Variants in PC observed in about 807,000 individuals in gnomAD.
PC encodes the protein pyruvate carboxylase.
In PC, 46 loss-of-function variants were observed where a neutral mutation model predicts 107.8. That is an observed-to-expected ratio of 0.43 (90% CI 0.34 to 0.55). The LOEUF is 0.55. Ranked by LOEUF, PC falls within the 20% of genes least tolerant of loss-of-function variation. The pLI is 0.04. For missense variants in PC, 1,241 were observed against 1,643.1 expected, an observed-to-expected ratio of 0.76 and a Z score of 4.23; for synonymous variants, 662 against 684.7, an observed-to-expected ratio of 0.97 and a Z score of 0.52.
chr11:66,943,882 G>A (rs1949218352), intron 3 of PC, among the ~76,000 whole-genome samples: 1 of 150,568 alleles, frequency 6.6e-6, no homozygotes, highest in South Asian at 2.1e-4. Context: ...TAATAGAGAG[G>A]CTGAGGCAGA....
chr11:66,922,872 G>T lies in PC; in HGVS notation c.-1+29558C>A, dbSNP rs186992676. On this transcript the variant is annotated intron_variant, in intron 3 of 22. Transcript: ENST00000393960. ...AAGCTTGCTGTTAGCTAAAACAGGG[G>T]TCTCAGACAGGGAGGCAAAGGTATG... Among the ~76,000 whole-genome samples, 3 of 152,320 alleles carry T rather than the reference G, an allele frequency of 2.0e-5. No individual in the cohort carries two copies. In the East Asian group the frequency reaches 5.8e-4, roughly 29 times the overall value.
rs1344684606 is a variant in PC, at chr11:66,857,329, G to C, written c.1369-3946C>G. On this transcript the variant is annotated intron_variant, in intron 12 of 22. Coordinates refer to ENST00000393960, the MANE Select transcript of PC (RefSeq NM_001040716.2). This position sits in a 1 kb window ranked among gnomAD's most constrained non-coding sequence, Gnocchi z 7.1. ...GGCCGCCGGGCGCAGCGCGGGGGCC[G>C]GCCAGGGAGGGGCCACGGACTCCAC... is the stretch of plus-strand genomic sequence containing the variant. The C allele has an allele frequency of 6.5e-6, 1 of 154,288 alleles. No homozygotes were observed. The highest frequency in any genetic ancestry group is 1.4e-5 in the Non-Finnish European group (1 of 69,836). The allele number at this position is 154,288 out of a possible 1,614,324, so 9.6% of individuals were successfully genotyped here.
In PC at chr11:66,850,760, A is replaced by G. The variant is rs1276137565; in HGVS notation, c.2387T>C (p.Val796Ala). 6.2e-7 allele frequency: 1 copy of G among 1,611,266 alleles called. No individual in the cohort carries two copies. Among genetic ancestry groups the G allele is most frequent in the Non-Finnish European group, 8.5e-7 (1 of 1,179,960 alleles). ...CAQAGADVVDVAADSMSGMTS... is the reference protein window; with the variant it reads ...CAQAGADVVDAAADSMSGMTS... ...CATCCCAGACATGGAATCAGCTGCC[A>G]CATCCACCACATCAGCTCCAGCCTG... Residue 796 changes from valine to alanine, a missense_variant, in exon 18 of 23, where the codon GTG (valine) becomes GCG (alanine). By Grantham distance (64) the Val-to-Ala change is moderately conservative. This residue lies in a region of PC where 1,143 missense variants were observed against 1,551.9 expected (regional missense o/e 0.74). Coordinates refer to ENST00000393960, the MANE Select transcript of PC (RefSeq NM_001040716.2).
chr11:66,894,085 C>G (rs1362231294), intron 3 of PC, among the ~76,000 whole-genome samples: 3 of 152,090 alleles, frequency 2.0e-5, no homozygotes, highest in Admixed American at 2.0e-4. Context: ...AGCTACCAAT[C>G]CACATTAGGT....
In PC at chr11:66,944,098, G is replaced by A. The variant is rs1170146982; in HGVS notation, c.-1+8332C>T. On this transcript the variant is annotated intron_variant, in intron 3 of 22. Transcript: ENST00000393960. ...AGATCGAGACCATCCTGGCTAACAC[G>A]GTGAAACTCCGTCTCCAATAAAAAT... Among the ~76,000 whole-genome samples, 4 of 114,716 alleles carry A rather than the reference G, an allele frequency of 3.5e-5. 1 individual carries two copies. The highest frequency in any genetic ancestry group is 5.8e-5 in the Non-Finnish European group (3 of 51,902). 75.3% of individuals were successfully genotyped at this position (114,716 alleles called of 152,430 possible). A position where few individuals can be genotyped will look rare whatever the true frequency, so the allele number is the denominator to read the frequency against.
At chr11:66,862,234 A>G (rs1690136994) in intron 12 of PC, among the ~76,000 whole-genome samples, 1 of 152,162 alleles carries the variant, frequency 6.6e-6, no homozygotes, top group Admixed American at 6.5e-5. Flanking sequence ...GGGACCCCCA[A>G]CAGGGAGGCT....
At chr11:66,887,526 A>G (rs1338075505) in intron 3 of PC, among the ~76,000 whole-genome samples, 1 of 152,232 alleles carries the variant, frequency 6.6e-6, no homozygotes, top group Non-Finnish European at 1.5e-5. Context: ...TTTTAAACAT[A>G]ATAAATAGAG....
chr11:66,916,259 AT>A (rs746819716), intron 3 of PC, among the ~76,000 whole-genome samples: 1 of 151,898 alleles, frequency 6.6e-6, no homozygotes, highest in Non-Finnish European at 1.5e-5. Context: ...TACTATTACT[AT>A]TGTTTTGTAG....
At chr11:66,920,102 T>C (rs1342287315) in intron 3 of PC, among the ~76,000 whole-genome samples, 1 of 152,028 alleles carries the variant, frequency 6.6e-6, no homozygotes, top group Non-Finnish European at 1.5e-5. Flanking sequence ...GAGAAGGCTG[T>C]GTAAGTGATG....
chr11:66,948,072 G>A (rs1340564113), intron 3 of PC, among the ~76,000 whole-genome samples: 3 of 146,994 alleles, frequency 2.0e-5, no homozygotes, highest in Non-Finnish European at 3.0e-5. Flanking sequence ...GATATGCCAG[G>A]CGTAGTGGCA....
intron 3 of PC, among the ~76,000 whole-genome samples, chr11:66,927,710 C>T (rs1279815555): frequency 1.4e-5 from 2 of 141,660 alleles, no homozygotes; most frequent in Non-Finnish European, 3.0e-5. Context: ...GCAACAAGAG[C>T]GAAAGTCCGT....
intron 3 of PC, among the ~76,000 whole-genome samples, chr11:66,901,175 C>T (rs188144585): frequency 3.3e-4 from 51 of 152,284 alleles, no homozygotes; most frequent in Admixed American, 7.8e-4. Flanking sequence ...ACCTGGTTGG[C>T]GGCCTCCCTG....
rs1949565166 is a variant in PC, at chr11:66,956,516, C to T, written c.-228+1806G>A. Among the ~76,000 whole-genome samples, 3 of 152,044 alleles carry T rather than the reference C, an allele frequency of 2.0e-5. 1 individual carries two copies. The South Asian group carries it at 6.2e-4, about 32-fold the overall frequency. On this transcript the variant is annotated intron_variant, in intron 1 of 22. Transcript: ENST00000393960. ...AGGAGAATCGCTTGAACTCGGGAGG[C>T]GGAGGTTGTGGTGAGCTGAGATCAC...
intron 10 of PC, 147 bp downstream of exon 10, chr11:66,868,699 A>C: frequency 1.5e-6 from 1 of 669,532 alleles, no homozygotes; most frequent in Non-Finnish European, 2.7e-6. Context: ...AATGACTTTT[A>C]AAACACTAAG....
At chr11:66,875,129 G>C (rs1288059193) in intron 3 of PC, among the ~76,000 whole-genome samples, 1 of 152,078 alleles carries the variant, frequency 6.6e-6, no homozygotes, top group Non-Finnish European at 1.5e-5. Flanking sequence ...TCGATGCACA[G>C]TGGAAAGGAT....
chr11:66,852,083 C>T lies in PC; in HGVS notation c.1826-137G>A, dbSNP rs1945533737. The T allele has an allele frequency of 1.1e-6, 1 of 877,866 alleles. No individual in the cohort carries two copies. Among genetic ancestry groups the T allele is most frequent in the Non-Finnish European group, 1.8e-6 (1 of 555,876 alleles). 54.4% of individuals were successfully genotyped at this position (877,866 alleles called of 1,614,324 possible). On this transcript the variant is annotated intron_variant, in intron 15 of 22. Transcript: ENST00000393960. The surrounding 1 kb of genome is among the most constrained non-coding windows in gnomAD (Gnocchi z 4.7). The stretch of plus-strand genomic sequence containing the variant: ...ATCTTCGCCATACCTGTGTTCCCTG[C>T]TCCAACCCCCACAGATTTTTCCCTT...
chr11:66,926,588 T>C (rs145416530), intron 3 of PC, among the ~76,000 whole-genome samples: 135 of 152,320 alleles, frequency 8.9e-4, no homozygotes, highest in Non-Finnish European at 1.6e-3. Context: ...ATGATGCACA[T>C]ATTCTGGTTA....
chr11:66,868,546 T>C (rs1199706061), intron 10 of PC, among the ~76,000 whole-genome samples: 2 of 152,242 alleles, frequency 1.3e-5, no homozygotes, highest in Non-Finnish European at 2.9e-5. Flanking sequence ...CAAATGTCTC[T>C]GAGCCTTGCT....
At chr11:66,849,585 T>A (rs1945348197) in intron 21 of PC, 26 bp downstream of exon 21, 2 of 1,613,322 alleles carry the variant, frequency 1.2e-6, no homozygotes, top group Admixed American at 1.7e-5. Context: ...CAGGGTGGAG[T>A]GTGGAGAAGC....
Sources: allele counts gnomAD v4.1 joint callset (sites outside exome capture counted in the v4.1 genomes callset), GRCh38; gene constraint gnomAD v4.1.1; regional missense constraint gnomAD v4.1.1; non-coding constraint Gnocchi (gnomAD v3.1); transcripts MANE v1.5; gene names NCBI Gene and HGNC (gene_info 2026-07-23, HGNC 2026-07-21).